ERCC6L2: variants seen among roughly 807,000 people sequenced by gnomAD.
ERCC6L2 encodes the protein DNA excision repair protein ERCC-6-like 2.
A neutral mutation model predicts 132.0 loss-of-function variants in ERCC6L2; 77 were observed. That is an observed-to-expected ratio of 0.58 (90% CI 0.49 to 0.71). The LOEUF (loss-of-function observed/expected upper bound fraction) is 0.71. ERCC6L2 is among the 30% of genes least tolerant of loss of function. The pLI is 0.00. For synonymous variants in ERCC6L2, 583 were observed against 632.4 expected (o/e 0.92, Z 1.17); for missense variants, 1,542 against 1,837.6 (o/e 0.84, Z 2.94).
intron 17 of ERCC6L2, among the ~76,000 whole-genome samples, chr9:96,000,629 C>T (rs987051619): frequency 2.3e-4 from 35 of 152,030 alleles, no homozygotes; most frequent in African/African-American, 8.2e-4. Context: ...CGCTTCAATC[C>T]CATTGAACTT....
chr9:95,978,061 A>G lies in ERCC6L2; in HGVS notation c.3338A>G (p.Asp1113Gly). ...QSYESMDKFL[D>G]GVQEVAYIHS... The stretch of plus-strand genomic sequence containing the variant: ...TTAATAAACATAAATTACCTCCTAG[A>G]TGGCGTTCAGGAAGTGGCTTATATT... The change falls in exon 17 of 19, where the codon GAT becomes GGT. Residue 1113 changes from aspartate to glycine, a missense_variant and splice_region_variant. Around this residue, in one of 4 missense-constraint regions of ERCC6L2, gnomAD observed 442 missense variants for 583.4 expected, o/e 0.76. Transcript: ENST00000653738. The G allele has an allele frequency of 1.5e-6, 2 of 1,363,810 alleles. No individual in the cohort carries two copies. Among genetic ancestry groups the G allele is most frequent in the Non-Finnish European group, 2.0e-6 (2 of 1,020,336 alleles). The allele number at this position is 1,363,810 out of a possible 1,614,324, so 84.5% of individuals were successfully genotyped here. A position where few individuals can be genotyped will look rare whatever the true frequency, so the allele number is the denominator to read the frequency against.
At chr9:96,022,776 T>C (rs910491853), downstream of ERCC6L2, among the ~76,000 whole-genome samples, 2 of 152,136 alleles carry the variant, frequency 1.3e-5, no homozygotes, top group Admixed American at 1.3e-4. Flanking sequence ...GGTCTGAGTT[T>C]CTGGAGATGG....
At chr9:95,996,670 T>G (rs1027594168) in intron 17 of ERCC6L2, among the ~76,000 whole-genome samples, 8 of 152,216 alleles carry the variant, frequency 5.3e-5, no homozygotes, top group Non-Finnish European at 1.0e-4. Flanking sequence ...TCTATTCCAC[T>G]TGTGCTCCAT....
At chr9:95,891,181 C>T (rs1828142090) in intron 2 of ERCC6L2, among the ~76,000 whole-genome samples, 1 of 152,168 alleles carries the variant, frequency 6.6e-6, no homozygotes, top group Middle Eastern at 3.2e-3. Flanking sequence ...CCATTGCACT[C>T]CAGCCTGGGC....
chr9:95,984,601 A>G (rs947986267), intron 17 of ERCC6L2, among the ~76,000 whole-genome samples: 1 of 152,120 alleles, frequency 6.6e-6, no homozygotes, highest in Non-Finnish European at 1.5e-5. Flanking sequence ...TGATTATTCT[A>G]AAGTATGACT....
At chr9:95,916,594 T>A (rs548658776) in intron 6 of ERCC6L2, among the ~76,000 whole-genome samples, 160 bp downstream of exon 6, 1 of 152,232 alleles carries the variant, frequency 6.6e-6, no homozygotes, top group South Asian at 2.1e-4. Context: ...AACCATTGAT[T>A]GAGCTCAGTT....
chr9:95,980,922 G>C (rs565658130), intron 17 of ERCC6L2, among the ~76,000 whole-genome samples: 1 of 152,012 alleles, frequency 6.6e-6, no homozygotes, highest in African/African-American at 2.4e-5. Context: ...GAATCTTTTC[G>C]GTTCCTGGTA....
chr9:95,980,556 G>A (rs1832849208), intron 17 of ERCC6L2, among the ~76,000 whole-genome samples: 1 of 151,966 alleles, frequency 6.6e-6, no homozygotes, highest in Non-Finnish European at 1.5e-5. Context: ...GAATTTCTGA[G>A]AAAAAAGTGT....
At chr9:95,918,637 A>T (rs992651593) in intron 6 of ERCC6L2, 1 of 222,956 alleles carries the variant, frequency 4.5e-6, no homozygotes, top group Non-Finnish European at 9.3e-6. Context: ...TACTCTTGGG[A>T]TTGTTGAGGC....
chr9:96,039,954 C>T (rs945202000), intron 20 of ERCC6L2, among the ~76,000 whole-genome samples: 1 of 151,962 alleles, frequency 6.6e-6, no homozygotes, highest in Non-Finnish European at 1.5e-5. Context: ...CATGGTGGCT[C>T]ACACCTGTAA....
At chr9:95,988,633 T>C (rs1384856725) in intron 17 of ERCC6L2, among the ~76,000 whole-genome samples, 6 of 152,212 alleles carry the variant, frequency 3.9e-5, no homozygotes, top group Non-Finnish European at 8.8e-5. Context: ...TAATTTTCTT[T>C]GTTGTTGAGT....
intron 12 of ERCC6L2, among the ~76,000 whole-genome samples, chr9:95,943,767 A>G (rs1200698144): frequency 6.6e-6 from 1 of 152,230 alleles, no homozygotes; most frequent in Non-Finnish European, 1.5e-5. Flanking sequence ...CAGCATCACT[A>G]ATCATTAGGG....
At chr9:96,008,890 T>C (rs1282482980) in intron 18 of ERCC6L2, among the ~76,000 whole-genome samples, 1 of 152,266 alleles carries the variant, frequency 6.6e-6, no homozygotes, top group Non-Finnish European at 1.5e-5. Context: ...GTTTATCTGC[T>C]GCATCAGGTT....
At chr9:95,984,597 TTC>T in intron 17 of ERCC6L2, among the ~76,000 whole-genome samples, 1 of 152,164 alleles carries the variant, frequency 6.6e-6, no homozygotes, top group Non-Finnish European at 1.5e-5. Flanking sequence ...CCTGTGATTA[TTC>T]TAAAGTATGA....
chr9:95,953,917 G>T (rs1348926038), intron 12 of ERCC6L2, among the ~76,000 whole-genome samples: 1 of 152,078 alleles, frequency 6.6e-6, no homozygotes, highest in African/African-American at 2.4e-5. Context: ...TTAATATTTT[G>T]TGTACAATTT....
chr9:95,963,253 ATCAC>A (rs1208558148), intron 13 of ERCC6L2, among the ~76,000 whole-genome samples: 3 of 151,792 alleles, frequency 2.0e-5, no homozygotes, highest in Non-Finnish European at 4.4e-5. Flanking sequence ...CTTCACTCAA[ATCAC>A]TCAAATTCCC....
chr9:95,970,617 A>G lies in ERCC6L2; in HGVS notation c.2142A>G (p.Thr714=). Residue 714 remains threonine, a synonymous_variant, in exon 15 of 19, where the codon ACA becomes ACG. Transcript: ENST00000653738. Reference sequence around the variant, plus strand: ...AAGCAGGGATCATGACAGCCACAACATGGTTGAAAGAGGGACCTCCAGCAC... The same window carrying G: ...AAGCAGGGATCATGACAGCCACAACGTGGTTGAAAGAGGGACCTCCAGCAC... ...QVEAGIMTAT[T]WLKEGPPAHK... is the part of the protein sequence containing the mutation. 7.7e-7 allele frequency: 1 copy of G among 1,304,068 alleles called. No homozygotes were observed. Among genetic ancestry groups the G allele is most frequent in the South Asian group, 1.2e-5 (1 of 80,924 alleles). The allele number at this position is 1,304,068 out of a possible 1,614,324, so 80.8% of individuals were successfully genotyped here.
chr9:96,030,644 G>A (rs1234261978), intron 19 of ERCC6L2, among the ~76,000 whole-genome samples: 1 of 149,668 alleles, frequency 6.7e-6, no homozygotes, highest in East Asian at 2.0e-4. Flanking sequence ...GGAGCTTGCA[G>A]TGAGCCGAGA....
chr9:95,938,010 T>C (rs908332553), intron 11 of ERCC6L2, among the ~76,000 whole-genome samples: 1 of 151,954 alleles, frequency 6.6e-6, no homozygotes, highest in Non-Finnish European at 1.5e-5. Flanking sequence ...TTTTCATTTG[T>C]GTTACATTAT....
Sources: gnomAD v4.1 joint callset for allele counts (sites outside exome capture counted in the v4.1 genomes callset) on GRCh38, gnomAD v4.1.1 for gene constraint, gnomAD v4.1.1 regional missense constraint, MANE v1.5 for transcripts, NCBI Gene and HGNC (gene_info 2026-07-23, HGNC 2026-07-21) for gene names.